Variants in ATL1 observed in about 807,000 individuals in gnomAD.
The protein encoded by ATL1 is atlastin-1.
In ATL1, 31 loss-of-function variants were observed where a neutral mutation model predicts 75.5. The ratio of observed to expected loss-of-function variants is 0.41; its 90% CI spans 0.31 to 0.55. The LOEUF is 0.55. ATL1 is among the 20% of genes least tolerant of loss of function. ATL1 has a pLI of 0.27. For synonymous variants in ATL1, 226 were observed against 233.3 expected, an observed-to-expected ratio of 0.97 and a Z score of 0.28; for missense variants, 405 against 662.6, an observed-to-expected ratio of 0.61 and a Z score of 4.27.
At chr14:50,602,112 A>C (rs1460159380) in intron 6 of ATL1, among the ~76,000 whole-genome samples, 1 of 152,180 alleles carries the variant, frequency 6.6e-6, no homozygotes, top group Non-Finnish European at 1.5e-5. Flanking sequence ...GTCAGACATT[A>C]TTTGAAGTTC....
intron 8 of ATL1, among the ~76,000 whole-genome samples, chr14:50,618,890 T>C (rs905261994): frequency 1.4e-5 from 2 of 145,464 alleles, no homozygotes; most frequent in African/African-American, 5.5e-5. Context: ...TATATATATA[T>C]ATTTTTTTTT....
chr14:50,592,017 T>C (rs1232336396), intron 4 of ATL1, among the ~76,000 whole-genome samples: 2 of 152,226 alleles, frequency 1.3e-5, no homozygotes, highest in East Asian at 1.9e-4. Flanking sequence ...TTGTTCTACA[T>C]AGCCAGTAGA....
upstream of ATL1, among the ~76,000 whole-genome samples, chr14:50,557,691 C>T (rs2038780978): frequency 6.6e-6 from 1 of 152,104 alleles, no homozygotes; most frequent in Non-Finnish European, 1.5e-5. Context: ...GGTATTTCTT[C>T]AGAGTAGATT....
At chr14:50,541,427 G>C (rs559618239) in intron 1 of ATL1, among the ~76,000 whole-genome samples, 159 of 152,294 alleles carry the variant, frequency 1.0e-3, no homozygotes, top group Admixed American at 3.7e-3. Flanking sequence ...TTCTAACAAG[G>C]AAGTAGTGCT....
chr14:50,574,927 GTGTGTGTGTGTATA>G (rs1438790059), intron 1 of ATL1, among the ~76,000 whole-genome samples: 3 of 95,084 alleles, frequency 3.2e-5, no homozygotes, highest in Admixed American at 1.2e-4. Flanking sequence ...GTGTGTGTGT[GTGTGTGTGTGTATA>G]TATATATATA....
At chr14:50,620,341 G>A (rs910048813) in intron 8 of ATL1, among the ~76,000 whole-genome samples, 2 of 152,250 alleles carry the variant, frequency 1.3e-5, no homozygotes, top group Admixed American at 1.3e-4. Context: ...GTAAAATCAA[G>A]CAAGCTAACT....
At chr14:50,590,790 G>A (rs1595599782) in intron 2 of ATL1, 151 bp from the exon 3 acceptor site, 1 of 747,252 alleles carries the variant, frequency 1.3e-6, no homozygotes, top group South Asian at 1.8e-5. Flanking sequence ...ATTATTTTTT[G>A]GATGAATAAA....
intron 9 of ATL1, 134 bp from the exon 10 acceptor site, chr14:50,621,709 A>T: frequency 3.0e-6 from 2 of 672,260 alleles, no homozygotes; most frequent in South Asian, 3.5e-5. Context: ...GAATTTAAGT[A>T]TGAGAAAGAT....
upstream of ATL1, among the ~76,000 whole-genome samples, chr14:50,558,249 C>T (rs998643027): frequency 6.6e-6 from 1 of 152,184 alleles, no homozygotes; most frequent in Non-Finnish European, 1.5e-5. Context: ...ATCCCAGCTA[C>T]TTGAGAGGCT....
At chr14:50,551,469 C>T (rs2038701889) in intron 1 of ATL1, among the ~76,000 whole-genome samples, 2 of 152,050 alleles carry the variant, frequency 1.3e-5, no homozygotes, top group Non-Finnish European at 2.9e-5. Flanking sequence ...GGTACCAATT[C>T]TACTGAAACT....
At chr14:50,595,509 G>C (rs912743837) in intron 5 of ATL1, 67 bp from the exon 6 acceptor site, 9 of 1,471,174 alleles carry the variant, frequency 6.1e-6, no homozygotes, top group Non-Finnish European at 7.5e-6. Context: ...AACTTTGCAG[G>C]TGCTAAAGTT....
At chr14:50,593,994 T>G (rs2039188652) in intron 5 of ATL1, 98 bp downstream of exon 5, 2 of 947,280 alleles carry the variant, frequency 2.1e-6, no homozygotes, top group South Asian at 1.3e-5. Flanking sequence ...CAGATTCTGA[T>G]TCTGCTGTTT....
chr14:50,590,825 T>G lies in ATL1; in HGVS notation c.283-116T>G, dbSNP rs930358952. 6.8e-6 allele frequency: 7 copies of G among 1,032,562 alleles called. No individual in the cohort carries two copies. In the African/African-American group the frequency reaches 1.1e-4, roughly 16 times the overall value. 64.0% of individuals were successfully genotyped at this position (1,032,562 alleles called of 1,614,324 possible). On this transcript the variant is annotated intron_variant, in intron 2 of 13. Coordinates refer to ENST00000358385, the MANE Select transcript of ATL1 (RefSeq NM_015915.5). ...AGTGATGGTATCAATGCAATAGATG[T>G]GCATATGTTGTTTCCTTTTAACTCG...
intron 6 of ATL1, among the ~76,000 whole-genome samples, chr14:50,601,036 C>T (rs1319369603): frequency 3.3e-5 from 5 of 152,016 alleles, no homozygotes; most frequent in South Asian, 2.1e-4. Context: ...TGAGCCCTGG[C>T]GTTTGAGGCT....
intron 4 of ATL1, among the ~76,000 whole-genome samples, chr14:50,593,165 A>G (rs1332945215): frequency 2.6e-5 from 4 of 151,882 alleles, no homozygotes; most frequent in Non-Finnish European, 5.9e-5. Context: ...TTTATATTTG[A>G]CCTGAATACA....
chr14:50,600,396 ATGTTTGGACT>A (rs1443095835), intron 6 of ATL1, among the ~76,000 whole-genome samples: 2 of 152,228 alleles, frequency 1.3e-5, no homozygotes, highest in Non-Finnish European at 2.9e-5. Context: ...ACTCCTAAAC[ATGTTTGGACT>A]TGTAACTCTT....
At chr14:50,611,442 C>T (rs1239588967) in intron 6 of ATL1, among the ~76,000 whole-genome samples, 3 of 152,030 alleles carry the variant, frequency 2.0e-5, no homozygotes, top group South Asian at 4.1e-4. Flanking sequence ...AACATATTTA[C>T]TCAAACTGCT....
In ATL1 at chr14:50,597,220, CAA is replaced by C. The variant is rs372066395; in HGVS notation, c.630+1600_630+1601del. On this transcript the variant is annotated intron_variant, in intron 6 of 13. Coordinates refer to ENST00000358385, the MANE Select transcript of ATL1 (RefSeq NM_015915.5). ...CAAGACTCTGTCTCAAAAAAACAAA[CAA>C]AAAAAAAAAAAGAAAAAAGAAAAAA... Among the ~76,000 whole-genome samples, 146 of 108,374 alleles carry C rather than the reference CAA, an allele frequency of 1.3e-3. 3 individuals are homozygous for C. The East Asian group carries it at 0.014, about 10-fold the overall frequency. 71.1% of individuals were successfully genotyped at this position (108,374 alleles called of 152,430 possible).
chr14:50,603,056 C>T (rs2140217098), intron 6 of ATL1, among the ~76,000 whole-genome samples: 1 of 152,240 alleles, frequency 6.6e-6, no homozygotes, highest in South Asian at 2.1e-4. Context: ...TTTCTATGTA[C>T]ATTTCTGTGT....
Sources: allele counts gnomAD v4.1 joint callset (sites outside exome capture counted in the v4.1 genomes callset), GRCh38; gene constraint gnomAD v4.1.1; transcripts MANE v1.5; gene names NCBI Gene and HGNC (gene_info 2026-07-23, HGNC 2026-07-21).